LY96: variants seen among roughly 807,000 people sequenced by gnomAD.
The protein encoded by LY96 is myeloid differentiation protein-2.
In LY96, 18 loss-of-function variants were observed where a neutral mutation model predicts 18.9. That is an observed-to-expected ratio of 0.95 (90% CI 0.66 to 1.41). The LOEUF is 1.41. LY96 is among the 40% of genes most tolerant of loss of function. The pLI is 0.00. For missense variants in LY96, 175 were observed against 182.4 expected (o/e 0.96, Z 0.23); for synonymous variants, 66 against 62.6 (o/e 1.06, Z -0.26).
chr8:74,093,734 A>T, the LY96 span, among the ~76,000 whole-genome samples: 1 of 152,166 alleles, frequency 6.6e-6, no homozygotes, highest in African/African-American at 2.4e-5. Context: ...GATTCTTTAT[A>T]TATGCCTCTC....
chr8:74,016,398 C>T (rs980717766), intron 3 of LY96, among the ~76,000 whole-genome samples: 3 of 152,230 alleles, frequency 2.0e-5, no homozygotes, highest in Admixed American at 6.5e-5. Flanking sequence ...CTCAACGAGG[C>T]CTGCCTGCCT....
the LY96 span, among the ~76,000 whole-genome samples, chr8:74,047,116 G>A: frequency 6.6e-6 from 1 of 152,066 alleles, no homozygotes; most frequent in African/African-American, 2.4e-5. Context: ...TGGCCAGGCT[G>A]GTCTCAAGTG....
the LY96 span, among the ~76,000 whole-genome samples, chr8:74,069,071 C>A: frequency 6.6e-6 from 1 of 152,186 alleles, no homozygotes; most frequent in African/African-American, 2.4e-5. Flanking sequence ...CAGGTGTGAG[C>A]CATTGCGCCT....
chr8:74,080,654 A>G, the LY96 span, among the ~76,000 whole-genome samples: 23 of 152,120 alleles, frequency 1.5e-4, no homozygotes, highest in African/African-American at 5.1e-4. Flanking sequence ...CTGCTTCCCA[A>G]CCTTTCTCCA....
At chr8:74,055,763 G>A in the LY96 span, 1 of 152,312 alleles carries the variant, frequency 6.6e-6, no homozygotes, top group African/African-American at 2.4e-5. Context: ...TGATGGAGCA[G>A]AAAGAGAAGT....
the LY96 span, among the ~76,000 whole-genome samples, chr8:74,080,503 A>T: frequency 6.6e-6 from 1 of 152,212 alleles, no homozygotes; most frequent in African/African-American, 2.4e-5. Context: ...GAGGCAAAAA[A>T]TTGTAGAAGA....
At chr8:74,084,443 T>C in the LY96 span, among the ~76,000 whole-genome samples, 1 of 152,226 alleles carries the variant, frequency 6.6e-6, no homozygotes, top group Non-Finnish European at 1.5e-5. Context: ...GTGCAGTTTG[T>C]ACAGGAAAGT....
chr8:74,086,504 C>A, the LY96 span, among the ~76,000 whole-genome samples: 3 of 152,170 alleles, frequency 2.0e-5, no homozygotes, highest in Non-Finnish European at 4.4e-5. Flanking sequence ...TTATAACAGG[C>A]TTTTCCTTCT....
intron 3 of LY96, among the ~76,000 whole-genome samples, chr8:74,011,805 G>A (rs1816536857): frequency 6.6e-6 from 1 of 150,860 alleles, no homozygotes; most frequent in African/African-American, 2.5e-5. Context: ...GTTGCAGTGA[G>A]GCGAGACCAT....
chr8:74,000,888 G>C (rs1816249102), intron 1 of LY96, among the ~76,000 whole-genome samples: 1 of 152,176 alleles, frequency 6.6e-6, no homozygotes, highest in Non-Finnish European at 1.5e-5. Context: ...CTTGTCAGGG[G>C]TGGGGAAGGA....
At chr8:74,020,050 G>A (rs767166480) in intron 3 of LY96, among the ~76,000 whole-genome samples, 1 of 152,128 alleles carries the variant, frequency 6.6e-6, no homozygotes, top group Non-Finnish European at 1.5e-5. Context: ...ACTCAACATA[G>A]TGTTGGAAGT....
chr8:74,037,773 C>T, the LY96 span, among the ~76,000 whole-genome samples: 1 of 152,134 alleles, frequency 6.6e-6, no homozygotes, highest in Admixed American at 6.5e-5. Context: ...GAGTTGGAGT[C>T]AGAATTTTAT....
At chr8:74,091,510 G>A in the LY96 span, among the ~76,000 whole-genome samples, 1 of 152,182 alleles carries the variant, frequency 6.6e-6, no homozygotes, top group African/African-American at 2.4e-5. Context: ...GTCCCTGGGT[G>A]GACTTGAGAG....
chr8:74,093,668 G>A, the LY96 span, among the ~76,000 whole-genome samples: 1 of 152,172 alleles, frequency 6.6e-6, no homozygotes, highest in East Asian at 1.9e-4. Context: ...CAGAATGGGG[G>A]AGATAATGCC....
the LY96 span, among the ~76,000 whole-genome samples, chr8:74,090,000 G>A: frequency 6.6e-6 from 1 of 152,096 alleles, no homozygotes; most frequent in Non-Finnish European, 1.5e-5. Flanking sequence ...GGAAAGGGGA[G>A]GCCAGGTCTT....
At chr8:74,070,135 A>G in the LY96 span, among the ~76,000 whole-genome samples, 2 of 150,956 alleles carry the variant, frequency 1.3e-5, no homozygotes, top group Non-Finnish European at 2.9e-5. Context: ...TCTGTTGCCC[A>G]GGCTAGAGTG....
chr8:74,089,944 GGA>G, the LY96 span, among the ~76,000 whole-genome samples: 1 of 152,118 alleles, frequency 6.6e-6, no homozygotes, highest in African/African-American at 2.4e-5. Context: ...GGGGAGGACA[GGA>G]TGGTTGGTGT....
chr8:74,095,671 C>T, the LY96 span, among the ~76,000 whole-genome samples: 1 of 152,200 alleles, frequency 6.6e-6, no homozygotes, highest in African/African-American at 2.4e-5. Context: ...TCTGCACTTT[C>T]CCTCCTACCT....
the LY96 span, chr8:74,052,671 T>G: frequency 6.6e-6 from 1 of 152,178 alleles, no homozygotes; most frequent in South Asian, 2.1e-4. Context: ...CTCCACATGC[T>G]TCTAGAAATG....
Sources: allele counts gnomAD v4.1 joint callset (sites outside exome capture counted in the v4.1 genomes callset), GRCh38; gene constraint gnomAD v4.1.1; transcripts MANE v1.5; gene names NCBI Gene and HGNC (gene_info 2026-07-23, HGNC 2026-07-21).